CEPT1: variants seen among roughly 807,000 people sequenced by gnomAD.
The protein encoded by CEPT1 is choline/ethanolaminephosphotransferase 1.
In CEPT1, 7 loss-of-function variants were observed where a neutral mutation model predicts 42.6. That is an observed-to-expected ratio of 0.16 (90% CI 0.09 to 0.31). The LOEUF (loss-of-function observed/expected upper bound fraction) is 0.31. Ranked by LOEUF, CEPT1 falls within the 10% of genes least tolerant of loss-of-function variation. CEPT1 has a pLI of 1.00. For synonymous variants in CEPT1, 171 were observed against 171.9 expected, an observed-to-expected ratio of 0.99 and a Z score of 0.04; for missense variants, 306 against 502.1, an observed-to-expected ratio of 0.61 and a Z score of 3.73.
chr1:111,147,640 A>T lies in CEPT1; in HGVS notation c.-73-2A>T. The T allele has an allele frequency of 1.1e-6, 1 of 944,494 alleles. No homozygotes were observed. Among genetic ancestry groups the T allele is most frequent in the Non-Finnish European group, 1.5e-6 (1 of 645,802 alleles). 58.5% of individuals were successfully genotyped at this position (944,494 alleles called of 1,614,324 possible). On this transcript the variant is annotated splice_acceptor_variant, in intron 1 of 8. Coordinates refer to ENST00000357172, the MANE Select transcript of CEPT1 (RefSeq NM_006090.5). LOFTEE classifies it low-confidence loss of function (5UTR_SPLICE). ...TAATTTTTATTTTATTTTATTTTTTAGGTAAGCACCAGCCACAAAAACCTA... is the reference window on the plus strand; with the variant it reads ...TAATTTTTATTTTATTTTATTTTTTTGGTAAGCACCAGCCACAAAAACCTA...
intron 2 of CEPT1, among the ~76,000 whole-genome samples, chr1:111,153,172 A>G (rs558835945): frequency 2.0e-5 from 3 of 151,148 alleles, no homozygotes; most frequent in East Asian, 3.9e-4. Context: ...TCTTCCCTTT[A>G]CTTCTATGAG....
At chr1:111,164,243 A>G (rs983753544) in intron 4 of CEPT1, among the ~76,000 whole-genome samples, 1 of 152,206 alleles carries the variant, frequency 6.6e-6, no homozygotes, top group Non-Finnish European at 1.5e-5. Flanking sequence ...TCTTCCCTGA[A>G]ATTATGAGCT....
chr1:111,145,760 A>G (rs1459897185), intron 1 of CEPT1, among the ~76,000 whole-genome samples: 1 of 152,176 alleles, frequency 6.6e-6, no homozygotes, highest in African/African-American at 2.4e-5. Flanking sequence ...CAGCAGGAGC[A>G]CCATGTTGCA....
chr1:111,141,116 C>T (rs1272174780), intron 1 of CEPT1, among the ~76,000 whole-genome samples: 2 of 152,288 alleles, frequency 1.3e-5, no homozygotes, highest in Non-Finnish European at 2.9e-5. Context: ...TCATAGTTGT[C>T]TTTCAACAAA....
At chr1:111,140,630 G>A (rs1415264692) in intron 1 of CEPT1, 1 of 152,528 alleles carries the variant, frequency 6.6e-6, no homozygotes, top group Non-Finnish European at 1.5e-5. Context: ...AAGAACCGTG[G>A]AGGGCCAGCG....
Position 111,147,658 on chromosome 1 carries a change from A to G in CEPT1, c.-57A>G. On this transcript the variant is annotated 5_prime_UTR_variant, in exon 2 of 9. Transcript: ENST00000357172. ...ATTTTTTAGGTAAGCACCAGCCACA[A>G]AAACCTACAAAAGAAGGGAAATTAC... The G allele has an allele frequency of 7.5e-7, 1 of 1,335,292 alleles. No homozygotes were observed. The highest frequency in any genetic ancestry group is 1.0e-6 in the Non-Finnish European group (1 of 978,052). The allele number at this position is 1,335,292 out of a possible 1,614,324, so 82.7% of individuals were successfully genotyped here.
intron 4 of CEPT1, among the ~76,000 whole-genome samples, chr1:111,169,139 A>G (rs903084264): frequency 2.0e-5 from 3 of 152,158 alleles, no homozygotes; most frequent in Non-Finnish European, 4.4e-5. Flanking sequence ...AACTTTTAAT[A>G]TTTTTGACCT....
intron 3 of CEPT1, 164 bp from the exon 4 acceptor site, chr1:111,160,991 T>G: frequency 4.5e-6 from 3 of 671,702 alleles, no homozygotes; most frequent in South Asian, 1.9e-5. Context: ...AATTATGGGG[T>G]AAGAGATTAT....
intron 2 of CEPT1, among the ~76,000 whole-genome samples, chr1:111,148,719 A>T (rs1655109567): frequency 6.6e-6 from 1 of 152,218 alleles, no homozygotes; most frequent in Admixed American, 6.5e-5. Flanking sequence ...CTCTGTACTC[A>T]TTACTTGAAA....
Position 111,183,231 on chromosome 1 carries a change from G to A in CEPT1, c.1006-231G>A, listed in dbSNP as rs956854446. On this transcript the variant is annotated intron_variant, in intron 7 of 8. Coordinates refer to ENST00000357172, the MANE Select transcript of CEPT1 (RefSeq NM_006090.5). The stretch of plus-strand genomic sequence containing the variant: ...TATTTACATTCTCAGTCTCAATCTG[G>A]ACACTCAAATTAAGGCTTCTTGTGA... Among the ~76,000 whole-genome samples the A allele has an allele frequency of 3.9e-5, 6 of 152,100 alleles. No homozygotes were observed. In the East Asian group the frequency reaches 9.6e-4, roughly 24 times the overall value.
At position 111,184,964 on chromosome 1, in the gene CEPT1, T is replaced by A. The variant is rs1317835610; in HGVS notation, c.*654T>A. The A allele has an allele frequency of 1.3e-5, 2 of 150,320 alleles. No homozygotes were observed. The highest frequency in any genetic ancestry group is 5.0e-5 in the African/African-American group (2 of 39,700). 9.3% of individuals were successfully genotyped at this position (150,320 alleles called of 1,614,324 possible). ...TTGTCAATTTCCCATTTTATTTTTT[T>A]AAATAAATATATGATCTAAAAGCCA... On this transcript the variant is annotated 3_prime_UTR_variant, in exon 9 of 9. Transcript: ENST00000357172.
chr1:111,167,716 C>T (rs1029210182), intron 4 of CEPT1: 12 of 984,032 alleles, frequency 1.2e-5, no homozygotes, highest in Non-Finnish European at 1.4e-5. Context: ...AAGCTATTCT[C>T]ATTTCTGTTT....
rs539572221 is a variant in CEPT1, at chr1:111,154,929, A to G, written c.340-4451A>G. On this transcript the variant is annotated intron_variant, in intron 2 of 8. Transcript: ENST00000357172. Reference sequence around the variant, plus strand: ...ATTTTTGTATCTGTGTTCATCAGTAATACTGGCTTGTGGTTTTCTTCTTTT... The same window carrying G: ...ATTTTTGTATCTGTGTTCATCAGTAGTACTGGCTTGTGGTTTTCTTCTTTT... Among the ~76,000 whole-genome samples, 243 of 152,254 alleles carry G rather than the reference A, an allele frequency of 1.6e-3. 1 individual carries two copies. Among genetic ancestry groups the G allele is most frequent in the African/African-American group, 5.6e-3 (234 of 41,540 alleles).
chr1:111,144,490 C>T (rs1431190665), intron 1 of CEPT1, among the ~76,000 whole-genome samples: 1 of 152,038 alleles, frequency 6.6e-6, no homozygotes, highest in Non-Finnish European at 1.5e-5. Context: ...AAAGGTTTGT[C>T]AAAATGTAGA....
intron 5 of CEPT1, chr1:111,180,749 A>G (rs570327076): frequency 6.6e-6 from 1 of 152,222 alleles, no homozygotes; most frequent in African/African-American, 2.4e-5. Flanking sequence ...AACCATTAAG[A>G]TTTATGTCTT....
At chr1:111,154,413 A>G (rs1196215571) in intron 2 of CEPT1, among the ~76,000 whole-genome samples, 1 of 152,024 alleles carries the variant, frequency 6.6e-6, no homozygotes, top group African/African-American at 2.4e-5. Context: ...GTTTTCCCAT[A>G]TATAAGTTCA....
At chr1:111,145,442 C>T (rs994526489) in intron 1 of CEPT1, among the ~76,000 whole-genome samples, 16 of 152,100 alleles carry the variant, frequency 1.1e-4, no homozygotes, top group African/African-American at 2.9e-4. Flanking sequence ...TATTGAGATA[C>T]GTGATTGACA....
intron 4 of CEPT1, among the ~76,000 whole-genome samples, chr1:111,173,771 AT>A (rs1656538080): frequency 6.6e-6 from 1 of 152,158 alleles, no homozygotes; most frequent in Admixed American, 6.5e-5. Flanking sequence ...AAAGTAGAAT[AT>A]TATTTGTCTC....
chr1:111,182,095 G>C (rs1376864726), intron 5 of CEPT1, 92 bp from the exon 6 acceptor site: 1 of 994,826 alleles, frequency 1.0e-6, no homozygotes, highest in Non-Finnish European at 1.4e-6. Context: ...GGAGGGAATG[G>C]AAAGTTTTTG....
Sources: gnomAD v4.1 joint callset for allele counts (sites outside exome capture counted in the v4.1 genomes callset) on GRCh38, gnomAD v4.1.1 for gene constraint, MANE v1.5 for transcripts, NCBI Gene and HGNC (gene_info 2026-07-23, HGNC 2026-07-21) for gene names.